Variants in CRBN observed in about 807,000 individuals in gnomAD.
CRBN encodes the protein protein cereblon.
A neutral mutation model predicts 62.2 loss-of-function variants in CRBN; 53 were observed. The observed-to-expected ratio is 0.85, with a 90% CI of 0.68 to 1.07. The LOEUF is 1.07. Ranked by LOEUF, CRBN falls within the 50% of genes least tolerant of loss-of-function variation. CRBN has a pLI of 0.00. For synonymous variants in CRBN, 208 were observed against 176.1 expected (o/e 1.18, Z -1.43); for missense variants, 616 against 531.1 (o/e 1.16, Z -1.57).
At chr3:3,153,385 G>A (rs775474416) in intron 9 of CRBN, 39 bp downstream of exon 9, 4 of 1,114,180 alleles carry the variant, frequency 3.6e-6, no homozygotes, top group Non-Finnish European at 5.5e-6. Flanking sequence ...TTATAATTCT[G>A]ATAAGGCAAG....
At position 3,152,441 on chromosome 3, in the gene CRBN, C is replaced by T; in HGVS notation, c.1148+15G>A. On this transcript the variant is annotated intron_variant, in intron 10 of 10. Coordinates refer to ENST00000231948, the MANE Select transcript of CRBN (RefSeq NM_016302.4). ...AAAAAAAGAAAAAAAAAAGCAACCA[C>T]CACCATAATATTACCCAGGAAACCA... is the stretch of plus-strand genomic sequence containing the variant. 1 of 1,608,210 alleles carries T rather than the reference C, an allele frequency of 6.2e-7. No individual in the cohort carries two copies. Among genetic ancestry groups the T allele is most frequent in the South Asian group, 1.1e-5 (1 of 88,816 alleles).
chr3:3,149,762 C>G (rs1257918559), downstream of CRBN: 1 of 152,140 alleles, frequency 6.6e-6, no homozygotes, highest in Non-Finnish European at 1.5e-5. Flanking sequence ...GTGTGACACT[C>G]AACTGATTTC....
At chr3:3,162,100 C>A (rs1384544786) in intron 5 of CRBN, among the ~76,000 whole-genome samples, 2 of 152,196 alleles carry the variant, frequency 1.3e-5, no homozygotes, top group Non-Finnish European at 2.9e-5. Context: ...TAAACAGGAA[C>A]AACCATGGCT....
downstream of CRBN, chr3:3,149,680 A>T (rs1323880959): frequency 6.6e-6 from 1 of 152,120 alleles, no homozygotes; most frequent in Non-Finnish European, 1.5e-5. Flanking sequence ...ACCTTAGAAA[A>T]AATAAGGCAG....
At position 3,150,159 on chromosome 3, in the gene CRBN, G is replaced by C. The variant is rs1311964479; in HGVS notation, c.*706C>G. ...GTAGTTTTGGTTCAAATTAATTTTT[G>C]AAAAATAGCTTTTGTATGGAACAGT... On this transcript the variant is annotated 3_prime_UTR_variant, in exon 11 of 11. Transcript: ENST00000231948. 1 of 152,030 alleles carries C rather than the reference G, an allele frequency of 6.6e-6. No homozygotes were observed. Among genetic ancestry groups the C allele is most frequent in the East Asian group, 1.9e-4 (1 of 5,188 alleles). 9.4% of individuals were successfully genotyped at this position (152,030 alleles called of 1,614,324 possible).
At position 3,150,659 on chromosome 3, in the gene CRBN, A is replaced by G. The variant is rs1208608135; in HGVS notation, c.*206T>C. On this transcript the variant is annotated 3_prime_UTR_variant, in exon 11 of 11. Coordinates refer to ENST00000231948, the MANE Select transcript of CRBN (RefSeq NM_016302.4). The stretch of plus-strand genomic sequence containing the variant: ...CCCAAGTAGATGTTTCTGGTATTCT[A>G]GACTGCCGTTCATGCTTGTTTCCTA... 36 of 517,402 alleles carry G rather than the reference A, an allele frequency of 7.0e-5. No homozygotes were observed. Among genetic ancestry groups the G allele is most frequent in the Non-Finnish European group, 1.2e-4 (35 of 288,038 alleles). The allele number at this position is 517,402 out of a possible 1,614,324, so 32.1% of individuals were successfully genotyped here.
chr3:3,162,355 C>G (rs1401531318), intron 5 of CRBN, among the ~76,000 whole-genome samples: 1 of 151,772 alleles, frequency 6.6e-6, no homozygotes, highest in African/African-American at 2.4e-5. Flanking sequence ...GGGGGATTCT[C>G]AAATCCCCCT....
At position 3,150,739 on chromosome 3, in the gene CRBN, G is replaced by T; in HGVS notation, c.*126C>A. 1.1e-6 allele frequency: 1 copy of T among 937,778 alleles called. No homozygotes were observed. 58.1% of individuals were successfully genotyped at this position (937,778 alleles called of 1,614,324 possible). ...TCACTTAGAAACTGCAACCCTCCAA[G>T]TAATGTTATGTTTACTTAGGTATTA... On this transcript the variant is annotated 3_prime_UTR_variant, in exon 11 of 11. Coordinates refer to ENST00000231948, the MANE Select transcript of CRBN (RefSeq NM_016302.4).
chr3:3,156,013 A>G, intron 6 of CRBN: 1 of 550,538 alleles, frequency 1.8e-6, no homozygotes, highest in Non-Finnish European at 3.3e-6. Flanking sequence ...CATGTTGCCC[A>G]GGCTGGTCTT....
chr3:3,176,321 A>T (rs144571576), intron 1 of CRBN, among the ~76,000 whole-genome samples: 1 of 152,356 alleles, frequency 6.6e-6, no homozygotes, highest in East Asian at 1.9e-4. Flanking sequence ...TTCCTACATA[A>T]GTAAGAAAAG....
At position 3,174,166 on chromosome 3, in the gene CRBN, G is replaced by C. The variant is rs1423594298; in HGVS notation, c.270C>G (p.Ile90Met). ...VIPVLPQVMM[I>M]LIPGQTLPLQ... ...GAGGTAATGTCTGTCCGGGAATCAGGATCATCATCACTTGTGGAAGAACTG... is the reference window on the plus strand; with the variant it reads ...GAGGTAATGTCTGTCCGGGAATCAGCATCATCATCACTTGTGGAAGAACTG... Residue 90 changes from isoleucine to methionine, a missense_variant, in exon 3 of 11, where the codon ATC becomes ATG. By Grantham distance (10) the Ile-to-Met change is conservative (BLOSUM62 1). Transcript: ENST00000231948. The C allele has an allele frequency of 6.2e-7, 1 of 1,613,978 alleles. No homozygotes were observed. The highest frequency in any genetic ancestry group is 1.3e-5 in the African/African-American group (1 of 74,900).
At chr3:3,152,272 C>T (rs1389576500) in intron 10 of CRBN, among the ~76,000 whole-genome samples, 184 bp downstream of exon 10, 1 of 151,886 alleles carries the variant, frequency 6.6e-6, no homozygotes, top group Non-Finnish European at 1.5e-5. Context: ...TGTGCCTCAG[C>T]ATCCCGAGCA....
intron 5 of CRBN, among the ~76,000 whole-genome samples, chr3:3,157,346 A>G (rs1445749199): frequency 6.6e-6 from 1 of 152,220 alleles, no homozygotes; most frequent in Non-Finnish European, 1.5e-5. Flanking sequence ...AAACCTACAT[A>G]CGTACAAATC....
In CRBN at chr3:3,150,709, C is replaced by T; in HGVS notation, c.*156G>A. The T allele has an allele frequency of 1.4e-6, 1 of 714,716 alleles. No homozygotes were observed. The highest frequency in any genetic ancestry group is 2.3e-6 in the Non-Finnish European group (1 of 441,632). 44.3% of individuals were successfully genotyped at this position (714,716 alleles called of 1,614,324 possible). ...AAAGTATACTTAAAAGTTTCAAATACAGTTTCACTTAGAAACTGCAACCCT... is the reference window on the plus strand; with the variant it reads ...AAAGTATACTTAAAAGTTTCAAATATAGTTTCACTTAGAAACTGCAACCCT... On this transcript the variant is annotated 3_prime_UTR_variant, in exon 11 of 11. Transcript: ENST00000231948.
At chr3:3,152,696 G>GT in intron 9 of CRBN, 109 bp from the exon 10 acceptor site, 2 of 1,323,352 alleles carry the variant, frequency 1.5e-6, no homozygotes, top group Non-Finnish European at 2.1e-6. Context: ...GAGCTATACA[G>GT]TTTTTAATCC....
At chr3:3,158,568 A>C (rs1271559491) in intron 5 of CRBN, among the ~76,000 whole-genome samples, 1 of 152,256 alleles carries the variant, frequency 6.6e-6, no homozygotes, top group Non-Finnish European at 1.5e-5. Flanking sequence ...AGAAAATACT[A>C]CCAAGAGCAC....
Position 3,174,136 on chromosome 3 carries a change from C to G in CRBN, c.300G>C (p.Gln100His), listed in dbSNP as rs781289482. The G allele has an allele frequency of 9.3e-6, 15 of 1,614,134 alleles. No individual in the cohort carries two copies. The highest frequency in any genetic ancestry group is 1.3e-5 in the African/African-American group (1 of 75,018). ...TACTGACTTCTTGAGGGTGAAAAAG[C>G]TGAAGAGGTAATGTCTGTCCGGGAA... is the stretch of plus-strand genomic sequence containing the variant. ...ILIPGQTLPL[Q>H]LFHPQEVSMV... The change falls in exon 3 of 11, where the codon CAG (glutamine) becomes CAC (histidine). Residue 100 changes from glutamine to histidine, a missense_variant. Coordinates refer to ENST00000231948, the MANE Select transcript of CRBN (RefSeq NM_016302.4).
intron 1 of CRBN, 152 bp from the exon 2 acceptor site, chr3:3,175,421 C>T (rs777328734): frequency 2.6e-4 from 166 of 637,854 alleles, no homozygotes; most frequent in Non-Finnish European, 4.0e-4. Context: ...GACTGGGGTC[C>T]GTGCTGGGCT....
chr3:3,175,840 G>C (rs1707807821), intron 1 of CRBN, among the ~76,000 whole-genome samples: 1 of 152,160 alleles, frequency 6.6e-6, no homozygotes, highest in Non-Finnish European at 1.5e-5. Flanking sequence ...TTAGACTGAG[G>C]ATACGTGTTT....
Sources: allele counts gnomAD v4.1 joint callset (sites outside exome capture counted in the v4.1 genomes callset), GRCh38; gene constraint gnomAD v4.1.1; transcripts MANE v1.5; gene names NCBI Gene and HGNC (gene_info 2026-07-23, HGNC 2026-07-21).